The following SH3RF1 variants were observed in gnomAD, a reference collection of about 807,000 sequenced individuals.
SH3RF1 encodes SH3 domain containing ring finger 1.
Under a neutral mutation model 74.0 loss-of-function variants are expected in SH3RF1, and 32 were observed. The observed-to-expected ratio is 0.43, with a 90% CI of 0.33 to 0.58. The LOEUF (loss-of-function observed/expected upper bound fraction) is 0.58, where lower values mean the gene tolerates loss of function less well. Ranked by LOEUF, SH3RF1 falls within the 20% of genes least tolerant of loss-of-function variation. The probability of loss-of-function intolerance (pLI) is 0.05; values close to 1 mark genes in which losing one functional copy is unlikely to be tolerated. For synonymous variants in SH3RF1, 396 were observed against 439.6 expected (o/e 0.90, Z 1.24); for missense variants, 954 against 1,130.9 (o/e 0.84, Z 2.24).
intron 6 of SH3RF1, among the ~76,000 whole-genome samples, chr4:169,126,527 C>T (rs1309616164): frequency 6.6e-6 from 1 of 152,184 alleles, no homozygotes; most frequent in African/African-American, 2.4e-5. Context: ...TTCTGAGAAT[C>T]TGACATTCAA....
chr4:169,244,726 G>A (rs373309304), intron 2 of SH3RF1, among the ~76,000 whole-genome samples: 140 of 152,246 alleles, frequency 9.2e-4, no homozygotes, highest in South Asian at 6.6e-3. Flanking sequence ...TTGCGCATGT[G>A]TTACCAAAAC....
intron 2 of SH3RF1, among the ~76,000 whole-genome samples, chr4:169,180,332 A>G (rs1039479613): frequency 2.0e-5 from 3 of 152,238 alleles, no homozygotes; most frequent in African/African-American, 7.2e-5. Flanking sequence ...CTCGTGTTCC[A>G]AGTCCCGCTT....
chr4:169,176,180 C>G (rs1734418369), intron 2 of SH3RF1, among the ~76,000 whole-genome samples: 1 of 152,124 alleles, frequency 6.6e-6, no homozygotes, highest in Non-Finnish European at 1.5e-5. Flanking sequence ...TTTATACTCC[C>G]CAGTCAGGTA....
intron 2 of SH3RF1, among the ~76,000 whole-genome samples, chr4:169,185,419 C>T (rs888855240): frequency 3.3e-5 from 5 of 152,164 alleles, no homozygotes; most frequent in Non-Finnish European, 7.3e-5. Flanking sequence ...ATCTCTTTAG[C>T]TGCCCAGAAA....
intron 2 of SH3RF1, among the ~76,000 whole-genome samples, chr4:169,178,822 A>T (rs146127151): frequency 1.3e-4 from 20 of 152,254 alleles, no homozygotes; most frequent in African/African-American, 4.8e-4. Context: ...ATCAACACAA[A>T]CTGCTCTCCC....
intron 4 of SH3RF1, among the ~76,000 whole-genome samples, chr4:169,150,261 G>C (rs1278781614): frequency 6.6e-6 from 1 of 152,178 alleles, no homozygotes; most frequent in African/African-American, 2.4e-5. Flanking sequence ...CAATAAGTCT[G>C]TCCTACCTCA....
At position 169,194,302 on chromosome 4, in the gene SH3RF1, C is replaced by A. The variant is rs146672138; in HGVS notation, c.394-37623G>T. Among the ~76,000 whole-genome samples, 372 of 152,276 alleles carry A rather than the reference C, an allele frequency of 2.4e-3. 2 individuals are homozygous for A. The highest frequency in any genetic ancestry group is 6.8e-3 in the Middle Eastern group (2 of 294). On this transcript the variant is annotated intron_variant, in intron 2 of 11. Transcript: ENST00000284637. ...AACACTCATGGAACAACCACCAGGACAAGACACAGAGTTTGCCAGAACCTA... is the reference window on the plus strand; with the variant it reads ...AACACTCATGGAACAACCACCAGGAAAAGACACAGAGTTTGCCAGAACCTA...
chr4:169,109,398 A>G (rs991533551), intron 10 of SH3RF1, among the ~76,000 whole-genome samples: 2 of 152,248 alleles, frequency 1.3e-5, no homozygotes, highest in African/African-American at 2.4e-5. Context: ...AACACATTAA[A>G]TACAGCTTGC....
chr4:169,148,128 A>G (rs574122326), intron 4 of SH3RF1, among the ~76,000 whole-genome samples: 1 of 152,340 alleles, frequency 6.6e-6, no homozygotes, highest in South Asian at 2.1e-4. Flanking sequence ...GTTATGAAAC[A>G]TTAAAATGCC....
intron 2 of SH3RF1, among the ~76,000 whole-genome samples, chr4:169,239,559 G>A (rs1181730590): frequency 6.6e-6 from 1 of 152,144 alleles, no homozygotes; most frequent in African/African-American, 2.4e-5. Flanking sequence ...AAATAAAAAG[G>A]CATCACGTTA....
intron 2 of SH3RF1, among the ~76,000 whole-genome samples, chr4:169,238,908 T>A (rs886726860): frequency 1.3e-5 from 2 of 152,172 alleles, no homozygotes; most frequent in Non-Finnish European, 2.9e-5. Flanking sequence ...GAAGACTATC[T>A]ATATAAGTAT....
intron 2 of SH3RF1, among the ~76,000 whole-genome samples, chr4:169,179,991 C>T (rs1326141430): frequency 6.6e-6 from 1 of 152,186 alleles, no homozygotes; most frequent in Non-Finnish European, 1.5e-5. Flanking sequence ...GTGAATATAT[C>T]AAACATCTTA....
chr4:169,146,253 C>A (rs1733891305), intron 4 of SH3RF1, among the ~76,000 whole-genome samples: 1 of 137,780 alleles, frequency 7.3e-6, no homozygotes, highest in Non-Finnish European at 1.5e-5. Flanking sequence ...TTTTTGAGAC[C>A]AAGTCTCGCT....
At chr4:169,213,000 C>T (rs776581458) in intron 2 of SH3RF1, among the ~76,000 whole-genome samples, 3 of 152,192 alleles carry the variant, frequency 2.0e-5, no homozygotes, top group Non-Finnish European at 2.9e-5. Context: ...TTATAAATAT[C>T]CATGTGCAGG....
At chr4:169,138,502 C>A (rs570349989) in intron 4 of SH3RF1, among the ~76,000 whole-genome samples, 1 of 152,346 alleles carries the variant, frequency 6.6e-6, no homozygotes, top group South Asian at 2.1e-4. Context: ...TTTGAAAGTG[C>A]AAACCTAATC....
chr4:169,151,983 G>A (rs965183444), intron 4 of SH3RF1, among the ~76,000 whole-genome samples: 1 of 152,108 alleles, frequency 6.6e-6, no homozygotes, highest in Non-Finnish European at 1.5e-5. Flanking sequence ...CAAATTAATA[G>A]GGTTAAAAAT....
chr4:169,245,615 G>A (rs561149468), intron 2 of SH3RF1, among the ~76,000 whole-genome samples: 5 of 152,122 alleles, frequency 3.3e-5, no homozygotes, highest in African/African-American at 4.8e-5. Flanking sequence ...GGAGAAAACC[G>A]GATAATCCAC....
At chr4:169,195,773 T>C (rs1367343128) in intron 2 of SH3RF1, among the ~76,000 whole-genome samples, 1 of 152,218 alleles carries the variant, frequency 6.6e-6, no homozygotes, top group African/African-American at 2.4e-5. Context: ...GAATTTGCAC[T>C]GTTGTCTTTT....
At chr4:169,264,185 G>A (rs116734530) in intron 2 of SH3RF1, among the ~76,000 whole-genome samples, 1 of 152,182 alleles carries the variant, frequency 6.6e-6, no homozygotes, top group Non-Finnish European at 1.5e-5. Context: ...CTGGAGGCTG[G>A]AAGTCCAAGA....
Sources: gnomAD v4.1 joint callset for allele counts (sites outside exome capture counted in the v4.1 genomes callset) on GRCh38, gnomAD v4.1.1 for gene constraint, MANE v1.5 for transcripts, NCBI Gene and HGNC (gene_info 2026-07-23, HGNC 2026-07-21) for gene names.